CTNNA2: variants seen among roughly 807,000 people sequenced by gnomAD.
The protein encoded by CTNNA2 is catenin alpha 2, also known as catenin alpha-2.
In CTNNA2, 42 loss-of-function variants were observed where a neutral mutation model predicts 101.0. The observed-to-expected ratio is 0.42, with a 90% CI of 0.32 to 0.54. The LOEUF (loss-of-function observed/expected upper bound fraction) is 0.54. Ranked by LOEUF, CTNNA2 falls within the 20% of genes least tolerant of loss-of-function variation. The probability of loss-of-function intolerance (pLI) is 0.14; values close to 1 mark genes in which losing one functional copy is unlikely to be tolerated. For synonymous variants in CTNNA2, 450 were observed against 456.4 expected, an observed-to-expected ratio of 0.99 and a Z score of 0.18; for missense variants, 871 against 1,223.1, an observed-to-expected ratio of 0.71 and a Z score of 4.29.
chr2:80,518,435 GGAT>G (rs1233348903), intron 9 of CTNNA2, among the ~76,000 whole-genome samples: 2 of 152,156 alleles, frequency 1.3e-5, no homozygotes, highest in African/African-American at 4.8e-5. Context: ...TATGGATAGA[GGAT>G]GATGGATGAT....
At chr2:80,535,601 T>G (rs1215527553) in intron 9 of CTNNA2, among the ~76,000 whole-genome samples, 1 of 152,168 alleles carries the variant, frequency 6.6e-6, no homozygotes, top group Non-Finnish European at 1.5e-5. Context: ...CCAATTATGA[T>G]TTTTAAAATT....
intron 9 of CTNNA2, among the ~76,000 whole-genome samples, chr2:80,436,777 CT>C (rs1682077445): frequency 6.6e-6 from 1 of 152,122 alleles, no homozygotes; most frequent in Non-Finnish European, 1.5e-5. Flanking sequence ...TGTCAGTCCT[CT>C]TTTATAAGCG....
chr2:79,943,704 G>A (rs1303541191), intron 7 of CTNNA2, among the ~76,000 whole-genome samples: 2 of 152,128 alleles, frequency 1.3e-5, no homozygotes, highest in Admixed American at 6.5e-5. Context: ...ATTTTTACCT[G>A]GGTACATTGT....
At chr2:79,543,146 G>A (rs1320168997) in intron 1 of CTNNA2, among the ~76,000 whole-genome samples, 1 of 152,056 alleles carries the variant, frequency 6.6e-6, no homozygotes, top group Non-Finnish European at 1.5e-5. Flanking sequence ...TTTCAAGTAC[G>A]ACATTAGATC....
chr2:80,218,512 A>G (rs976924893), intron 7 of CTNNA2, among the ~76,000 whole-genome samples: 1 of 152,252 alleles, frequency 6.6e-6, no homozygotes. Flanking sequence ...ACAACAAAGT[A>G]GTTAAGAGCA....
intron 7 of CTNNA2, among the ~76,000 whole-genome samples, chr2:80,123,581 G>A (rs1701964198): frequency 6.6e-6 from 1 of 152,168 alleles, no homozygotes; most frequent in Admixed American, 6.5e-5. Flanking sequence ...CTGAAGGTCT[G>A]CAGAATGCTA....
chr2:80,011,456 A>C (rs888820839), intron 7 of CTNNA2, among the ~76,000 whole-genome samples: 1 of 152,122 alleles, frequency 6.6e-6, no homozygotes, highest in Non-Finnish European at 1.5e-5. Flanking sequence ...CCGAGTCACC[A>C]CCTCAGAAAG....
chr2:79,668,213 G>A (rs1432300222), intron 2 of CTNNA2, among the ~76,000 whole-genome samples: 1 of 125,816 alleles, frequency 7.9e-6, no homozygotes, highest in African/African-American at 2.9e-5. Flanking sequence ...GCAGTCCGCA[G>A]TCCGACCTGG....
intron 1 of CTNNA2, among the ~76,000 whole-genome samples, chr2:79,526,316 C>A: frequency 6.6e-6 from 1 of 151,694 alleles, no homozygotes; most frequent in Non-Finnish European, 1.5e-5. Context: ...CTAGAGGCTA[C>A]AAAATATCAT....
intron 4 of CTNNA2, among the ~76,000 whole-genome samples, chr2:79,434,685 G>C (rs899126891): frequency 6.6e-6 from 1 of 152,108 alleles, no homozygotes; most frequent in Admixed American, 6.5e-5. Context: ...CATCAGCCTA[G>C]GTCCAGTCAG....
At chr2:79,472,772 T>G (rs115966895) in intron 4 of CTNNA2, among the ~76,000 whole-genome samples, 1,898 of 152,294 alleles carry the variant, frequency 0.012, 26 homozygotes, top group African/African-American at 0.037. Context: ...TAAGTTCTAG[T>G]TCTTTTTGCT....
chr2:79,414,016 G>C (rs1678449217), intron 4 of CTNNA2, among the ~76,000 whole-genome samples: 1 of 149,022 alleles, frequency 6.7e-6, no homozygotes, highest in Admixed American at 6.7e-5. Context: ...ATTTTGCAGA[G>C]TCAAGATTTG....
chr2:79,602,989 A>G (rs1327159603), intron 1 of CTNNA2, among the ~76,000 whole-genome samples: 5 of 152,156 alleles, frequency 3.3e-5, no homozygotes, highest in Non-Finnish European at 7.4e-5. Flanking sequence ...AAAATTCCCA[A>G]AGATAGTCAA....
intron 7 of CTNNA2, among the ~76,000 whole-genome samples, chr2:80,008,811 T>C (rs535192867): frequency 3.3e-5 from 5 of 152,350 alleles, no homozygotes; most frequent in East Asian, 3.9e-4. Flanking sequence ...AACAACAAGA[T>C]GCTTCGTGTG....
intron 4 of CTNNA2, among the ~76,000 whole-genome samples, chr2:79,399,144 G>GA (rs940854026): frequency 6.6e-6 from 1 of 152,104 alleles, no homozygotes; most frequent in Admixed American, 6.6e-5. Context: ...GGCATTTATA[G>GA]AAAAAATAAA....
intron 9 of CTNNA2, among the ~76,000 whole-genome samples, chr2:80,491,039 T>C (rs1291880091): frequency 1.3e-5 from 2 of 152,222 alleles, no homozygotes; most frequent in African/African-American, 4.8e-5. Context: ...TTCTGCATTC[T>C]ATACCACTAG....
At chr2:79,614,510 G>A (rs574614507) in intron 1 of CTNNA2, among the ~76,000 whole-genome samples, 1 of 152,132 alleles carries the variant, frequency 6.6e-6, no homozygotes, top group East Asian at 1.9e-4. Flanking sequence ...AAAATGATAA[G>A]AATTATGAAA....
At chr2:80,109,693 A>G (rs895209103) in intron 7 of CTNNA2, among the ~76,000 whole-genome samples, 15 of 152,234 alleles carry the variant, frequency 9.9e-5, no homozygotes, top group Non-Finnish European at 1.6e-4. Flanking sequence ...CTGTATGTCA[A>G]GTTTTTCTGT....
rs147297552 is a variant in CTNNA2 at position 80,544,412 on chromosome 2, C to A, written c.1291-570C>A. Among the ~76,000 whole-genome samples the A allele has an allele frequency of 3.0e-4, 45 of 151,936 alleles. 1 individual carries two copies. Among genetic ancestry groups the A allele is most frequent in the African/African-American group, 9.7e-4 (40 of 41,426 alleles). On this transcript the variant is annotated intron_variant, in intron 9 of 18. Transcript: ENST00000402739. ...GCACATTGTAATTTACTATATATTC[C>A]GCCATTGTGTATTGAATGCTACGAG... is the stretch of plus-strand genomic sequence containing the variant.
Sources: allele counts gnomAD v4.1 joint callset (sites outside exome capture counted in the v4.1 genomes callset), GRCh38; gene constraint gnomAD v4.1.1; transcripts MANE v1.5; gene names NCBI Gene and HGNC (gene_info 2026-07-23, HGNC 2026-07-21).